Variants in ZDHHC1 observed in about 807,000 individuals in gnomAD.
The protein encoded by ZDHHC1 is palmitoyltransferase ZDHHC1.
In ZDHHC1, 45 loss-of-function variants were observed where a neutral mutation model predicts 46.9. The ratio of observed to expected loss-of-function variants is 0.96; its 90% CI spans 0.76 to 1.23. ZDHHC1 has a LOEUF of 1.23. Ranked by LOEUF, ZDHHC1 falls within the 50% of genes most tolerant of loss-of-function variation. The probability of loss-of-function intolerance (pLI) is 0.00; values close to 1 mark genes in which losing one functional copy is unlikely to be tolerated. For synonymous variants in ZDHHC1, 291 were observed against 286.0 expected (o/e 1.02, Z -0.18); for missense variants, 649 against 670.8 (o/e 0.97, Z 0.36).
In ZDHHC1 at chr16:67,406,274, G is replaced by A. The variant is rs1331475424; in HGVS notation, c.178C>T (p.Leu60Phe). ...CCAAAGCCGATCACAGCAAAGAAGAGGTACAGCAGCCAGGCCACAATCTGG... is the reference window on the plus strand; with the variant it reads ...CCAAAGCCGATCACAGCAAAGAAGAAGTACAGCAGCCAGGCCACAATCTGG... ...PLQIVAWLLY[L>F]FFAVIGFGIL... Residue 60 changes from leucine (L) to phenylalanine (F), a missense_variant, in exon 3 of 12, where the codon CTC becomes TTC. Transcript: ENST00000565726. This position sits in a 1 kb window ranked among gnomAD's most constrained non-coding sequence, Gnocchi z 4.1. 1.2e-6 allele frequency: 2 copies of A among 1,611,598 alleles called. No individual in the cohort carries two copies. The highest frequency in any genetic ancestry group is 1.7e-5 in the Admixed American group (1 of 59,708).
At chr16:67,400,903 C>T in intron 4 of ZDHHC1, 54 bp downstream of exon 4, 1 of 1,585,942 alleles carries the variant, frequency 6.3e-7, no homozygotes, top group Non-Finnish European at 8.6e-7. Context: ...CACCCCCTCT[C>T]CACCATACAC....
At chr16:67,399,645 G>T (rs769475356) in intron 4 of ZDHHC1, among the ~76,000 whole-genome samples, 189 bp from the exon 5 acceptor site, 53 of 152,172 alleles carry the variant, frequency 3.5e-4, no homozygotes, top group Non-Finnish European at 6.0e-4. Flanking sequence ...AGGAGGCAGC[G>T]CTCCCGAAGA....
At position 67,395,609 on chromosome 16, in the gene ZDHHC1, G is replaced by C. The variant is rs963686959; in HGVS notation, c.928-43C>G. 3 of 1,539,012 alleles carry C rather than the reference G, an allele frequency of 1.9e-6. No homozygotes were observed. The African/African-American group carries it at 4.1e-5, about 21-fold the overall frequency. On this transcript the variant is annotated intron_variant, in intron 8 of 11. Transcript: ENST00000565726. ...CAAGGAGGCTGGGAGGCCAGGTGTG[G>C]CTCCCGAGCCTGCTGAGCCCTAAGC...
intron 8 of ZDHHC1, among the ~76,000 whole-genome samples, chr16:67,397,204 A>G (rs1261744421): frequency 1.3e-5 from 2 of 152,234 alleles, no homozygotes; most frequent in Non-Finnish European, 2.9e-5. Flanking sequence ...TTGGCAGCGC[A>G]GGGCCAAAGA....
At chr16:67,399,050 GT>G in intron 5 of ZDHHC1, 106 bp from the exon 6 acceptor site, 5 of 1,442,484 alleles carry the variant, frequency 3.5e-6, no homozygotes, top group African/African-American at 1.4e-5. Context: ...AGGGCTGAGG[GT>G]GACCCCACAG....
At chr16:67,395,157 G>A in intron 10 of ZDHHC1, 30 bp downstream of exon 10, 1 of 1,613,056 alleles carries the variant, frequency 6.2e-7, no homozygotes, top group Non-Finnish European at 8.5e-7. Context: ...CACTCCACCT[G>A]GACCGGAGGC....
chr16:67,395,512 G>C lies in ZDHHC1; in HGVS notation c.982C>G (p.Gln328Glu), dbSNP rs1162345537. The C allele has an allele frequency of 1.3e-6, 2 of 1,555,080 alleles. No individual in the cohort carries two copies. The highest frequency in any genetic ancestry group is 1.7e-6 in the Non-Finnish European group (2 of 1,148,710). Residue 328 changes from glutamine (Q) to glutamate (E), a missense_variant, in exon 9 of 12, where the codon CAG (glutamine) becomes GAG (glutamate). Coordinates refer to ENST00000565726, the MANE Select transcript of ZDHHC1 (RefSeq NM_001323627.2). ...FRHMRPEPPGQAGPAAVNANP... is the reference protein window; with the variant it reads ...FRHMRPEPPGEAGPAAVNANP... ...GCATTCACTGCTGCTGGCCCGGCCT[G>C]GCCAGGGGGCTCTGGGCGCATATGT...
intron 10 of ZDHHC1, 36 bp from the exon 11 acceptor site, chr16:67,395,098 C>T (rs1319743639): frequency 1.2e-6 from 2 of 1,613,286 alleles, no homozygotes; most frequent in Admixed American, 1.7e-5. Flanking sequence ...GGCCCCACAT[C>T]GCCAAAAGAA....
chr16:67,406,999 G>C lies in ZDHHC1; in HGVS notation c.10-557C>G, dbSNP rs941260147. 6.6e-6 allele frequency among the ~76,000 whole-genome samples: 1 copy of C among 152,226 alleles called. No homozygotes were observed. The highest frequency in any genetic ancestry group is 2.4e-5 in the African/African-American group (1 of 41,462). ...GGAGTCTGAAGCTCTGCCCCATGCTGCCTGAGGGTTCTCAGCTGGGGAGGG... is the reference window on the plus strand; with the variant it reads ...GGAGTCTGAAGCTCTGCCCCATGCTCCCTGAGGGTTCTCAGCTGGGGAGGG... On this transcript the variant is annotated intron_variant, in intron 2 of 11. Coordinates refer to ENST00000565726, the MANE Select transcript of ZDHHC1 (RefSeq NM_001323627.2). This position sits in a 1 kb window ranked among gnomAD's most constrained non-coding sequence, Gnocchi z 4.1.
Position 67,395,785 on chromosome 16 carries a change from T to A in ZDHHC1, c.928-219A>T. On this transcript the variant is annotated intron_variant, in intron 8 of 11. Transcript: ENST00000565726. ...ATCCCCAGGTCCTTACCTCATCTATTCAGCCTCTGCCTCCTGCAGGAAGGC... is the reference window on the plus strand; with the variant it reads ...ATCCCCAGGTCCTTACCTCATCTATACAGCCTCTGCCTCCTGCAGGAAGGC... The A allele has an allele frequency of 5.2e-6, 3 of 574,236 alleles. No individual in the cohort carries two copies. In the East Asian group the frequency reaches 8.8e-5, roughly 17 times the overall value. The allele number at this position is 574,236 out of a possible 1,614,324, so 35.6% of individuals were successfully genotyped here.
chr16:67,399,597 G>A (rs2040508375), intron 4 of ZDHHC1, 141 bp from the exon 5 acceptor site: 1 of 634,184 alleles, frequency 1.6e-6, no homozygotes, highest in East Asian at 3.2e-5. Flanking sequence ...CGAGGAGCGC[G>A]CGCGCCCTCT....
At chr16:67,415,939 T>C (rs2142271564) in intron 1 of ZDHHC1, among the ~76,000 whole-genome samples, 1 of 152,250 alleles carries the variant, frequency 6.6e-6, no homozygotes, top group South Asian at 2.1e-4. Flanking sequence ...CCACGTCTGT[T>C]GGGAGTCCTC....
chr16:67,413,683 T>C (rs1220793947), intron 1 of ZDHHC1, among the ~76,000 whole-genome samples: 2 of 152,222 alleles, frequency 1.3e-5, no homozygotes, highest in African/African-American at 4.8e-5. Flanking sequence ...CTCATGCCTG[T>C]AATCCCAGAA....
Position 67,406,271 on chromosome 16 carries a change from A to T in ZDHHC1, c.181T>A (p.Phe61Ile). ...ATCCCAAAGCCGATCACAGCAAAGA[A>T]GAGGTACAGCAGCCAGGCCACAATC... ...LQIVAWLLYL[F>I]FAVIGFGILV... The change falls in exon 3 of 12, where the codon TTC becomes ATC. Residue 61 changes from phenylalanine (F) to isoleucine (I), a missense_variant. Phe to Ile is a conservative substitution (Grantham distance 21). Coordinates refer to ENST00000565726, the MANE Select transcript of ZDHHC1 (RefSeq NM_001323627.2). This position sits in a 1 kb window ranked among gnomAD's most constrained non-coding sequence, Gnocchi z 4.1. The T allele has an allele frequency of 6.2e-7, 1 of 1,612,030 alleles. No individual in the cohort carries two copies. The highest frequency in any genetic ancestry group is 8.5e-7 in the Non-Finnish European group (1 of 1,179,308).
In ZDHHC1 at chr16:67,406,498, C is replaced by T. The variant is rs2040662966; in HGVS notation, c.10-56G>A. 6.9e-7 allele frequency: 1 copy of T among 1,451,364 alleles called. No homozygotes were observed. Among genetic ancestry groups the T allele is most frequent in the Non-Finnish European group, 9.1e-7 (1 of 1,101,224 alleles). 89.9% of individuals were successfully genotyped at this position (1,451,364 alleles called of 1,614,324 possible). On this transcript the variant is annotated intron_variant, in intron 2 of 11. Coordinates refer to ENST00000565726, the MANE Select transcript of ZDHHC1 (RefSeq NM_001323627.2). The surrounding 1 kb of genome is among the most constrained non-coding windows in gnomAD (Gnocchi z 4.1). Reference sequence around the variant, plus strand: ...TAGCCCAAGAAGCTGGGCTGGAGCCCAGGGCCTGTGTCTGCAGCCAAGTTT... The same window carrying T: ...TAGCCCAAGAAGCTGGGCTGGAGCCTAGGGCCTGTGTCTGCAGCCAAGTTT...
chr16:67,403,759 C>T (rs930315854), intron 3 of ZDHHC1, among the ~76,000 whole-genome samples: 11 of 152,048 alleles, frequency 7.2e-5, no homozygotes, highest in South Asian at 4.1e-4. Flanking sequence ...GGATTGCAGG[C>T]GTGTGCCACC....
In ZDHHC1 at chr16:67,395,199, C is replaced by T. The variant is rs754859630; in HGVS notation, c.1092G>A (p.Arg364=). The part of the protein sequence containing the change: ...SSPDTLALPP[R]IRPQKKRKRR... ...CAGTCCCTCCTACCTGGGGTCGGAT[C>T]CGGGGAGGCAGGGCGAGAGTGTCTG... Residue 364 remains arginine, a synonymous_variant, in exon 10 of 12, where the codon CGG becomes CGA. Coordinates refer to ENST00000565726, the MANE Select transcript of ZDHHC1 (RefSeq NM_001323627.2). 15 of 1,612,100 alleles carry T rather than the reference C, an allele frequency of 9.3e-6. No individual in the cohort carries two copies. The Admixed American group carries it at 2.2e-4, about 23-fold the overall frequency.
At chr16:67,400,236 G>C (rs957560073) in intron 4 of ZDHHC1, among the ~76,000 whole-genome samples, 4 of 152,234 alleles carry the variant, frequency 2.6e-5, no homozygotes, top group African/African-American at 7.2e-5. Flanking sequence ...CCCTTCAACA[G>C]GCTTCCTGGT....
At chr16:67,405,646 G>C (rs909915165) in intron 3 of ZDHHC1, among the ~76,000 whole-genome samples, 9 of 152,138 alleles carry the variant, frequency 5.9e-5, no homozygotes, top group African/African-American at 2.2e-4. Context: ...GGCATTCGAG[G>C]TATCTCCATC....
Sources: gnomAD v4.1 joint callset for allele counts (sites outside exome capture counted in the v4.1 genomes callset) on GRCh38, gnomAD v4.1.1 for gene constraint, Gnocchi (gnomAD v3.1) non-coding constraint, MANE v1.5 for transcripts, NCBI Gene and HGNC (gene_info 2026-07-23, HGNC 2026-07-21) for gene names.